Variants in KCNH5 observed in about 807,000 individuals in gnomAD.
KCNH5 encodes the protein voltage-gated delayed rectifier potassium channel KCNH5.
Under a neutral mutation model 96.1 loss-of-function variants are expected in KCNH5, and 46 were observed. The ratio of observed to expected loss-of-function variants is 0.48; its 90% CI spans 0.38 to 0.61. KCNH5 has a LOEUF of 0.61. Among genes scored for constraint, KCNH5 ranks in the 20% least tolerant of loss-of-function variants. KCNH5 has a pLI of 0.00. For synonymous variants in KCNH5, 439 were observed against 449.8 expected, an observed-to-expected ratio of 0.98 and a Z score of 0.30; for missense variants, 907 against 1,225.8, an observed-to-expected ratio of 0.74 and a Z score of 3.88.
intron 6 of KCNH5, among the ~76,000 whole-genome samples, chr14:62,963,051 T>C (rs1890242297): frequency 6.6e-6 from 1 of 152,080 alleles, no homozygotes; most frequent in Non-Finnish European, 1.5e-5. Context: ...CCTACATCAT[T>C]CACCCTACTT....
chr14:63,043,019 T>C (rs1891854959), intron 1 of KCNH5, among the ~76,000 whole-genome samples: 1 of 152,092 alleles, frequency 6.6e-6, no homozygotes, highest in South Asian at 2.1e-4. Flanking sequence ...GAAAGAAACA[T>C]TTAACCAATG....
rs761647423 is a variant in KCNH5, at chr14:62,981,130, G to A, written c.684C>T (p.Thr228=). The A allele has an allele frequency of 1.5e-5, 24 of 1,614,016 alleles. No individual in the cohort carries two copies. Among genetic ancestry groups the A allele is most frequent in the East Asian group, 4.5e-5 (2 of 44,884 alleles). The change falls in exon 6 of 11, where the codon ACC becomes ACT. Residue 228 remains threonine, a synonymous_variant. Transcript: ENST00000322893. The part of the protein sequence containing the change: ...DWVILILTFY[T]AIMVPYNVSF... Reference sequence around the variant, plus strand: ...AAACATTATAAGGAACCATAATGGCGGTGTAGAAGGTAAGAATTAAAATCA... The same window carrying A: ...AAACATTATAAGGAACCATAATGGCAGTGTAGAAGGTAAGAATTAAAATCA...
At chr14:62,774,464 A>T (rs1886055283) in intron 10 of KCNH5, among the ~76,000 whole-genome samples, 1 of 152,224 alleles carries the variant, frequency 6.6e-6, no homozygotes, top group South Asian at 2.1e-4. Context: ...TCTTTTTTAC[A>T]CAAATGGTAA....
At chr14:62,856,015 C>G (rs1887920955) in intron 7 of KCNH5, among the ~76,000 whole-genome samples, 1 of 152,158 alleles carries the variant, frequency 6.6e-6, no homozygotes, top group Non-Finnish European at 1.5e-5. Flanking sequence ...AAATTATATT[C>G]TTTGAAAGAA....
chr14:62,872,041 A>G (rs1888265917), intron 7 of KCNH5, among the ~76,000 whole-genome samples: 1 of 152,134 alleles, frequency 6.6e-6, no homozygotes. Context: ...TTCAATGGGA[A>G]TTTTCTAATC....
intron 7 of KCNH5, among the ~76,000 whole-genome samples, chr14:62,947,616 T>A (rs1242429467): frequency 6.6e-6 from 1 of 152,070 alleles, no homozygotes; most frequent in Non-Finnish European, 1.5e-5. Context: ...GATATTAACC[T>A]TTCATGTTCC....
chr14:62,754,047 TAGAC>T (rs1354300870), intron 10 of KCNH5, among the ~76,000 whole-genome samples: 5 of 152,054 alleles, frequency 3.3e-5, no homozygotes, highest in Non-Finnish European at 7.4e-5. Context: ...TTTCAAGACA[TAGAC>T]AGTACAATAA....
chr14:62,853,318 A>C (rs1280378625), intron 7 of KCNH5, among the ~76,000 whole-genome samples: 2 of 151,808 alleles, frequency 1.3e-5, no homozygotes, highest in Non-Finnish European at 2.9e-5. Context: ...ATTACACTGG[A>C]ATCTTCACAA....
At chr14:62,976,715 T>C (rs1223668033) in intron 6 of KCNH5, among the ~76,000 whole-genome samples, 1 of 152,184 alleles carries the variant, frequency 6.6e-6, no homozygotes, top group Admixed American at 6.5e-5. Context: ...GAAATCGTAA[T>C]GACTTCAAGT....
chr14:62,842,231 A>G (rs1887599975), intron 8 of KCNH5, among the ~76,000 whole-genome samples: 1 of 152,222 alleles, frequency 6.6e-6, no homozygotes, highest in African/African-American at 2.4e-5. Flanking sequence ...GTTCGAAATT[A>G]CTATTATAAA....
chr14:62,970,073 T>TAAAAAAAAAAAAAAAA (rs1284748914), intron 6 of KCNH5, among the ~76,000 whole-genome samples: 33 of 112,186 alleles, frequency 2.9e-4, no homozygotes, highest in Non-Finnish European at 5.4e-4. Context: ...AAAAAAAAAT[T>TAAAAAAAAAAAAAAAA]AAATCAATAA....
At chr14:63,008,876 AT>A (rs1326359113) in intron 2 of KCNH5, among the ~76,000 whole-genome samples, 19 of 152,112 alleles carry the variant, frequency 1.2e-4, no homozygotes, top group Admixed American at 2.0e-4. Context: ...TCCCAAAAAA[AT>A]ATTAGCTTAA....
chr14:62,933,240 A>G (rs759207090), intron 7 of KCNH5, among the ~76,000 whole-genome samples: 4 of 152,178 alleles, frequency 2.6e-5, no homozygotes, highest in Non-Finnish European at 4.4e-5. Context: ...AAGAAGCAAC[A>G]TAAGAAACTA....
chr14:62,774,635 T>G (rs1291940458), intron 10 of KCNH5, among the ~76,000 whole-genome samples: 2 of 152,222 alleles, frequency 1.3e-5, no homozygotes, highest in African/African-American at 4.8e-5. Flanking sequence ...ACCTAAGAGC[T>G]GGTCATCAAT....
chr14:62,779,616 G>C (rs1283321655), intron 10 of KCNH5, 112 bp downstream of exon 10: 1 of 803,384 alleles, frequency 1.2e-6, no homozygotes, highest in African/African-American at 1.8e-5. Flanking sequence ...ACTTTACATT[G>C]ATGGGAATTT....
intron 7 of KCNH5, among the ~76,000 whole-genome samples, chr14:62,937,132 G>A (rs1889700327): frequency 6.6e-6 from 1 of 152,112 alleles, no homozygotes. Flanking sequence ...ACTGCCCACT[G>A]GACACAACAA....
chr14:62,889,345 C>G (rs757919097), intron 7 of KCNH5, among the ~76,000 whole-genome samples: 14 of 152,186 alleles, frequency 9.2e-5, no homozygotes, highest in Non-Finnish European at 1.6e-4. Context: ...CCTCACAGAG[C>G]TTACATCCCA....
At chr14:62,896,181 C>T (rs1428784230) in intron 7 of KCNH5, among the ~76,000 whole-genome samples, 1 of 152,162 alleles carries the variant, frequency 6.6e-6, no homozygotes, top group Non-Finnish European at 1.5e-5. Context: ...CAGCAATAGT[C>T]ATCAGTAGCT....
intron 10 of KCNH5, among the ~76,000 whole-genome samples, chr14:62,766,874 G>C (rs761315402): frequency 1.3e-4 from 19 of 151,988 alleles, no homozygotes; most frequent in Non-Finnish European, 2.5e-4. Flanking sequence ...TTGAGGGGAT[G>C]GATACCCCAT....
Sources: gnomAD v4.1 joint callset for allele counts (sites outside exome capture counted in the v4.1 genomes callset) on GRCh38, gnomAD v4.1.1 for gene constraint, MANE v1.5 for transcripts, NCBI Gene and HGNC (gene_info 2026-07-23, HGNC 2026-07-21) for gene names.